C12orf56: variants seen among roughly 807,000 people sequenced by gnomAD.
C12orf56 encodes the protein uncharacterized protein C12orf56.
C12orf56 carries 71 observed loss-of-function variants against 69.9 expected under a neutral mutation model. That is an observed-to-expected ratio of 1.02 (90% confidence interval 0.84 to 1.24). C12orf56 has a LOEUF of 1.24. Ranked by LOEUF, C12orf56 falls within the 50% of genes most tolerant of loss-of-function variation. The pLI, the probability that C12orf56 is intolerant of heterozygous loss-of-function variation, is 0.00. For missense variants in C12orf56, 732 were observed against 738.5 expected (o/e 0.99, Z 0.10); for synonymous variants, 276 against 274.1 (o/e 1.01, Z -0.07).
intron 6 of C12orf56, among the ~76,000 whole-genome samples, chr12:64,301,491 G>A (rs2038445464): frequency 6.6e-6 from 1 of 152,128 alleles, no homozygotes; most frequent in African/African-American, 2.4e-5. Flanking sequence ...CCAGGACCTG[G>A]ACCCATTTAG....
chr12:64,270,508 C>T (rs1374386053), intron 12 of C12orf56, 28 bp downstream of exon 12: 2 of 1,464,266 alleles, frequency 1.4e-6, no homozygotes, highest in African/African-American at 2.8e-5. Context: ...AATCTTACTG[C>T]AGATTAGATT....
chr12:64,277,405 C>T (rs1385891308), intron 9 of C12orf56, among the ~76,000 whole-genome samples: 1 of 151,940 alleles, frequency 6.6e-6, no homozygotes. Flanking sequence ...ATAAAGAATG[C>T]TAATTACTTT....
chr12:64,375,126 T>C (rs1465110183), intron 1 of C12orf56, among the ~76,000 whole-genome samples: 1 of 151,634 alleles, frequency 6.6e-6, no homozygotes, highest in Non-Finnish European at 1.5e-5. Context: ...GGTGTGACCA[T>C]GGTTCACTGC....
At chr12:64,352,854 T>G (rs2039248773) in intron 2 of C12orf56, 40 bp downstream of exon 2, 3 of 1,523,534 alleles carry the variant, frequency 2.0e-6, no homozygotes, top group Non-Finnish European at 1.8e-6. Flanking sequence ...ATATACTTTT[T>G]TTTTTGCCTT....
rs549945104 is a variant in C12orf56, at chr12:64,351,153, C to T, written c.415+1741G>A. On this transcript the variant is annotated intron_variant, in intron 2 of 12. Transcript: ENST00000543942. The stretch of plus-strand genomic sequence containing the variant: ...ATCCTGCCATTTGGGAAAATAAGGC[C>T]AAGGGAGTTAACCAAAGCCAAGCCC... 2.6e-5 allele frequency among the ~76,000 whole-genome samples: 4 copies of T among 152,184 alleles called. No individual in the cohort carries two copies. The South Asian group carries it at 8.3e-4, about 32-fold the overall frequency.
chr12:64,308,463 T>C (rs776630638), intron 5 of C12orf56, among the ~76,000 whole-genome samples: 5 of 152,130 alleles, frequency 3.3e-5, no homozygotes, highest in Non-Finnish European at 7.4e-5. Context: ...TCAAAAAATT[T>C]TTTTCTATAT....
intron 1 of C12orf56, among the ~76,000 whole-genome samples, chr12:64,362,802 A>C (rs1239289611): frequency 6.6e-6 from 1 of 152,162 alleles, no homozygotes; most frequent in Non-Finnish European, 1.5e-5. Context: ...TGGATTATTC[A>C]TGAGTTTTCT....
intron 2 of C12orf56, chr12:64,338,136 C>T: frequency 3.8e-6 from 2 of 530,078 alleles, no homozygotes; most frequent in Admixed American, 2.2e-5. Flanking sequence ...CACATCACAG[C>T]AGGAGAGCTG....
intron 3 of C12orf56, among the ~76,000 whole-genome samples, chr12:64,329,333 T>G (rs1348290283): frequency 1.3e-5 from 2 of 152,020 alleles, no homozygotes; most frequent in Non-Finnish European, 2.9e-5. Context: ...GTTAGTATTG[T>G]GGATTCTGCC....
rs547174807 is a variant in C12orf56 at position 64,390,514 on chromosome 12, C to A, written c.52G>T (p.Asp18Tyr). Reference protein sequence around the residue: ...GFPARRNSRLDVFLRRHLPPE... With the variant: ...GFPARRNSRLYVFLRRHLPPE... ...GGCAGATGCCGCCGCAGGAACACATCCAGGCGGCTGTTCCTGCGCGCGGGG... is the reference window on the plus strand; with the variant it reads ...GGCAGATGCCGCCGCAGGAACACATACAGGCGGCTGTTCCTGCGCGCGGGG... The change falls in exon 1 of 13, where the codon GAT (aspartate) becomes TAT (tyrosine). Residue 18 changes from aspartate to tyrosine, a missense_variant. Asp to Tyr is a radical substitution (Grantham distance 160). Transcript: ENST00000543942. 8 of 1,599,364 alleles carry A rather than the reference C, an allele frequency of 5.0e-6. No individual in the cohort carries two copies. In the African/African-American group the frequency reaches 9.3e-5, roughly 19 times the overall value.
chr12:64,371,908 T>C (rs11175370), intron 1 of C12orf56, among the ~76,000 whole-genome samples: 97,628 of 143,952 alleles, frequency 0.68, 34,833 homozygotes, highest in Middle Eastern at 0.87. Flanking sequence ...GATTTCTTTT[T>C]TTTTTTTTTT....
intron 3 of C12orf56, among the ~76,000 whole-genome samples, chr12:64,326,636 C>G (rs1238411869): frequency 6.6e-6 from 1 of 151,750 alleles, no homozygotes; most frequent in African/African-American, 2.4e-5. Flanking sequence ...ACTCAGGAGG[C>G]TAAGGCAGAA....
intron 6 of C12orf56, among the ~76,000 whole-genome samples, chr12:64,287,261 A>AAAGAAGAAGAAGAAGAAG (rs1170967895): frequency 1.0e-4 from 7 of 67,584 alleles, no homozygotes; most frequent in African/African-American, 4.3e-4. Flanking sequence ...AAAAAAAAAA[A>AAAGAAGAAGAAGAAGAAG]AAGAAGAAGA....
intron 6 of C12orf56, among the ~76,000 whole-genome samples, chr12:64,299,791 G>C (rs1177883472): frequency 6.6e-6 from 1 of 152,096 alleles, no homozygotes; most frequent in Non-Finnish European, 1.5e-5. Context: ...GCCTCACACA[G>C]ATTAGGCATG....
intron 3 of C12orf56, 55 bp downstream of exon 3, chr12:64,330,905 A>G: frequency 1.4e-6 from 2 of 1,390,896 alleles, no homozygotes; most frequent in Non-Finnish European, 1.9e-6. Context: ...ACAAGTTACA[A>G]TGTAAAAATG....
intron 2 of C12orf56, among the ~76,000 whole-genome samples, chr12:64,340,447 C>T (rs533487603): frequency 2.8e-4 from 43 of 152,176 alleles, no homozygotes; most frequent in African/African-American, 9.6e-4. Flanking sequence ...CATATACATC[C>T]CCTGAGATCA....
At chr12:64,280,589 G>A (rs1565736192) in intron 8 of C12orf56, among the ~76,000 whole-genome samples, 1 of 152,140 alleles carries the variant, frequency 6.6e-6, no homozygotes, top group African/African-American at 2.4e-5. Context: ...ACATGAAATG[G>A]GAAAGATGAA....
intron 1 of C12orf56, among the ~76,000 whole-genome samples, chr12:64,365,952 A>G (rs2039468320): frequency 7.6e-6 from 1 of 130,820 alleles, no homozygotes; most frequent in African/African-American, 3.0e-5. Context: ...TATATTATAT[A>G]TTGTATATAG....
rs2037926932 is a variant in C12orf56 at position 64,267,130 on chromosome 12, G to T, written c.*53C>A. The T allele has an allele frequency of 1.1e-5, 14 of 1,269,532 alleles. 1 individual carries two copies. In the South Asian group the frequency reaches 2.0e-4, roughly 18 times the overall value. The allele number at this position is 1,269,532 out of a possible 1,614,324, so 78.6% of individuals were successfully genotyped here. A position where few individuals can be genotyped will look rare whatever the true frequency, so the allele number is the denominator to read the frequency against. On this transcript the variant is annotated 3_prime_UTR_variant, in exon 13 of 13. Transcript: ENST00000543942. ...AAATGTTTCTCGTGAATATCAAGTTGACTCTTGATTAACATTTTATACTCT... is the reference window on the plus strand; with the variant it reads ...AAATGTTTCTCGTGAATATCAAGTTTACTCTTGATTAACATTTTATACTCT...
Sources: allele counts gnomAD v4.1 joint callset (sites outside exome capture counted in the v4.1 genomes callset), GRCh38; gene constraint gnomAD v4.1.1; transcripts MANE v1.5; gene names NCBI Gene and HGNC (gene_info 2026-07-23, HGNC 2026-07-21).